The following LNPK variants were observed in gnomAD, a reference collection of about 807,000 sequenced individuals.
LNPK encodes the protein lunapark, ER junction formation factor.
In LNPK, 29 loss-of-function variants were observed where a neutral mutation model predicts 55.2. That is an observed-to-expected ratio of 0.53 (90% confidence interval 0.39 to 0.72). The LOEUF is 0.72. LNPK is among the 30% of genes least tolerant of loss of function. The probability of loss-of-function intolerance (pLI) is 0.00; values close to 1 mark genes in which losing one functional copy is unlikely to be tolerated. For synonymous variants in LNPK, 162 were observed against 168.2 expected, an observed-to-expected ratio of 0.96 and a Z score of 0.29; for missense variants, 467 against 494.8, an observed-to-expected ratio of 0.94 and a Z score of 0.53.
intron 9 of LNPK, 28 bp from the exon 10 acceptor site, chr2:175,939,685 T>C: frequency 9.1e-7 from 1 of 1,099,934 alleles, no homozygotes; most frequent in South Asian, 1.5e-5. Context: ...ACATACAAAA[T>C]TTATATACAT....
At chr2:175,973,487 A>G (rs980328989) in intron 5 of LNPK, among the ~76,000 whole-genome samples, 5 of 152,234 alleles carry the variant, frequency 3.3e-5, no homozygotes. Flanking sequence ...CATAGACTGT[A>G]AACACCTTAC....
intron 2 of LNPK, among the ~76,000 whole-genome samples, chr2:175,995,289 C>T (rs1437373895): frequency 6.6e-6 from 1 of 151,966 alleles, no homozygotes; most frequent in African/African-American, 2.4e-5. Context: ...ACAAGATAGC[C>T]ATTTGCACAC....
At chr2:175,935,276 T>A (rs1035041554) in intron 12 of LNPK, among the ~76,000 whole-genome samples, 1 of 152,048 alleles carries the variant, frequency 6.6e-6, no homozygotes, top group Admixed American at 6.6e-5. Context: ...GCAGAAAAGT[T>A]TTTTTTTCAG....
rs115238860 is a variant in LNPK at position 175,929,364 on chromosome 2, C to T, written c.*603G>A. The stretch of plus-strand genomic sequence containing the variant: ...AGTTGACTGTTTCATTGCATTCTCA[C>T]TGAGAATTCGTACCAGTGCCAACGT... On this transcript the variant is annotated 3_prime_UTR_variant, in exon 13 of 13. Transcript: ENST00000272748. 5.6e-4 allele frequency: 555 copies of T among 985,596 alleles called. No homozygotes were observed. The African/African-American group carries it at 9.3e-3, about 16-fold the overall frequency. The allele number at this position is 985,596 out of a possible 1,614,324, so 61.1% of individuals were successfully genotyped here.
chr2:175,965,402 T>C (rs1686276465), intron 6 of LNPK, among the ~76,000 whole-genome samples: 1 of 152,226 alleles, frequency 6.6e-6, no homozygotes, highest in African/African-American at 2.4e-5. Context: ...AGTTGAACTT[T>C]AGTACAAGAC....
intron 6 of LNPK, 32 bp from the exon 7 acceptor site, chr2:175,964,621 C>T: frequency 8.9e-7 from 1 of 1,120,426 alleles, no homozygotes; most frequent in Non-Finnish European, 1.4e-6. Flanking sequence ...AATTGTCACA[C>T]TTCAAAACAC....
At chr2:175,956,230 T>C (rs1386359023) in intron 8 of LNPK, among the ~76,000 whole-genome samples, 1 of 143,780 alleles carries the variant, frequency 7.0e-6, no homozygotes, top group African/African-American at 2.6e-5. Context: ...CAGTAAGCCA[T>C]GATGACACCA....
chr2:175,983,578 C>T (rs1012663962), intron 4 of LNPK, among the ~76,000 whole-genome samples: 1 of 152,116 alleles, frequency 6.6e-6, no homozygotes, highest in Non-Finnish European at 1.5e-5. Context: ...GCTAAACTCA[C>T]TAAGGTAAAA....
chr2:176,000,449 C>T (rs1688118795), intron 1 of LNPK, among the ~76,000 whole-genome samples: 1 of 152,170 alleles, frequency 6.6e-6, no homozygotes, highest in Non-Finnish European at 1.5e-5. Context: ...CCAGAAAACA[C>T]ATGTATTTAT....
chr2:175,952,080 T>C (rs749155682), intron 8 of LNPK, among the ~76,000 whole-genome samples: 3 of 37,898 alleles, frequency 7.9e-5, no homozygotes, highest in Admixed American at 5.5e-4. Context: ...TTTGATGGGA[T>C]TGTTTTTTCT....
chr2:175,960,081 A>G (rs907661451), intron 8 of LNPK, among the ~76,000 whole-genome samples: 1 of 152,148 alleles, frequency 6.6e-6, no homozygotes, highest in African/African-American at 2.4e-5. Flanking sequence ...AGCAACCTAC[A>G]AAGAGACTTA....
chr2:175,990,213 G>T (rs1373133556), intron 4 of LNPK, among the ~76,000 whole-genome samples: 5 of 152,198 alleles, frequency 3.3e-5, no homozygotes, highest in African/African-American at 1.2e-4. Context: ...TTTGGGTCAT[G>T]GGGGCGGATC....
Position 175,970,760 on chromosome 2 carries a change from T to G in LNPK, c.357+4A>C. On this transcript the variant is annotated splice_donor_region_variant and intron_variant, in intron 6 of 12. Transcript: ENST00000272748. ...AAATTAATTTTAAATAAAAGTTAACTTACTATTTTTTTCCTCTGGGATTTT... is the reference window on the plus strand; with the variant it reads ...AAATTAATTTTAAATAAAAGTTAACGTACTATTTTTTTCCTCTGGGATTTT... 1 of 1,327,106 alleles carries G rather than the reference T, an allele frequency of 7.5e-7. No homozygotes were observed. The highest frequency in any genetic ancestry group is 1.0e-6 in the Non-Finnish European group (1 of 992,492). The allele number at this position is 1,327,106 out of a possible 1,614,324, so 82.2% of individuals were successfully genotyped here. A position where few individuals can be genotyped will look rare whatever the true frequency, so the allele number is the denominator to read the frequency against.
At chr2:175,937,254 T>C in intron 12 of LNPK, 90 bp downstream of exon 12, 1 of 1,271,544 alleles carries the variant, frequency 7.9e-7, no homozygotes, top group Non-Finnish European at 1.1e-6. Context: ...ATCTGATAAA[T>C]TAATCCATCT....
chr2:175,948,767 A>C (rs1236720234), intron 8 of LNPK, among the ~76,000 whole-genome samples: 3 of 152,192 alleles, frequency 2.0e-5, no homozygotes, highest in African/African-American at 7.2e-5. Flanking sequence ...TGACAGTTAA[A>C]GAATTACATG....
intron 1 of LNPK, among the ~76,000 whole-genome samples, chr2:176,001,349 G>C (rs1688153142): frequency 1.3e-5 from 2 of 152,134 alleles, no homozygotes; most frequent in African/African-American, 4.8e-5. Flanking sequence ...ACACACACCG[G>C]AGGCCAACTG....
rs571498307 is a variant in LNPK, at chr2:175,985,174, T to C, written c.258-5306A>G. Among the ~76,000 whole-genome samples the C allele has an allele frequency of 2.6e-5, 4 of 152,288 alleles. No individual in the cohort carries two copies. In the East Asian group the frequency reaches 5.8e-4, roughly 22 times the overall value. ...TTTGTGGAGACAGAAAACAGATTAA[T>C]GGATGGCAGGGGTTAGGAATGCGGA... On this transcript the variant is annotated intron_variant, in intron 4 of 12. Coordinates refer to ENST00000272748, the MANE Select transcript of LNPK (RefSeq NM_030650.3).
Position 175,939,597 on chromosome 2 carries a change from AAAGC to A in LNPK, c.763_766del (p.Ala255TrpfsTer32). ...AACCAAATATTCAACAATTCTATCC[AAAGC>A]ACCTCGTTCTCGGGGGAGAATAGGT... On this transcript the variant is annotated frameshift_variant, in exon 10 of 13. Coordinates refer to ENST00000272748, the MANE Select transcript of LNPK (RefSeq NM_030650.3). LOFTEE classifies it high-confidence loss of function. 6.2e-7 allele frequency: 1 copy of A among 1,608,614 alleles called. No homozygotes were observed. Among genetic ancestry groups the A allele is most frequent in the Non-Finnish European group, 8.5e-7 (1 of 1,176,026 alleles).
At chr2:175,979,280 C>T (rs1460685539) in intron 5 of LNPK, among the ~76,000 whole-genome samples, 1 of 152,046 alleles carries the variant, frequency 6.6e-6, no homozygotes, top group Non-Finnish European at 1.5e-5. Context: ...TTGTTTTGGT[C>T]GGGCACCATT....
Sources: allele counts gnomAD v4.1 joint callset (sites outside exome capture counted in the v4.1 genomes callset), GRCh38; gene constraint gnomAD v4.1.1; transcripts MANE v1.5; gene names NCBI Gene and HGNC (gene_info 2026-07-23, HGNC 2026-07-21).